PCDH15: variants seen among roughly 807,000 people sequenced by gnomAD.
PCDH15 encodes the protein protocadherin related 15, also known as protocadherin-15.
PCDH15 carries 129 observed loss-of-function variants against 178.5 expected under a neutral mutation model. The observed-to-expected ratio is 0.72, with a 90% CI of 0.63 to 0.84. The LOEUF (loss-of-function observed/expected upper bound fraction) is 0.84, where lower values mean the gene tolerates loss of function less well. PCDH15 is among the 40% of genes least tolerant of loss of function. The probability of loss-of-function intolerance (pLI) is 0.00; values close to 1 mark genes in which losing one functional copy is unlikely to be tolerated. For synonymous variants in PCDH15, 800 were observed against 732.0 expected (o/e 1.09, Z -1.50); for missense variants, 2,230 against 2,099.9 (o/e 1.06, Z -1.21).
intron 2 of PCDH15, among the ~76,000 whole-genome samples, chr10:55,049,824 T>A (rs956674897): frequency 6.6e-6 from 1 of 152,086 alleles, no homozygotes; most frequent in East Asian, 1.9e-4. Context: ...ATGAGTTGTA[T>A]AACTATTTTG....
chr10:55,075,418 T>C (rs1591882243), intron 2 of PCDH15, among the ~76,000 whole-genome samples: 1 of 148,090 alleles, frequency 6.8e-6, no homozygotes, highest in Non-Finnish European at 1.5e-5. Flanking sequence ...CAGGCTGGAG[T>C]GCAGTGGTGC....
intron 2 of PCDH15, among the ~76,000 whole-genome samples, chr10:54,661,406 C>G (rs2094488875): frequency 1.3e-5 from 2 of 151,826 alleles, no homozygotes; most frequent in African/African-American, 2.4e-5. Flanking sequence ...TACTACATGA[C>G]AGAAGCAAGT....
At chr10:54,110,262 A>G (rs2094993304) in intron 15 of PCDH15, among the ~76,000 whole-genome samples, 1 of 151,610 alleles carries the variant, frequency 6.6e-6, no homozygotes, top group African/African-American at 2.4e-5. Context: ...CATAAATACA[A>G]TGAAGGTAAG....
At chr10:54,811,463 A>C (rs1053275389) in intron 3 of PCDH15, among the ~76,000 whole-genome samples, 3 of 151,816 alleles carry the variant, frequency 2.0e-5, no homozygotes, top group African/African-American at 4.8e-5. Context: ...TAGCTAAATA[A>C]TTTTTTTTAT....
chr10:55,447,278 G>T (rs1481656031), intron 2 of PCDH15, among the ~76,000 whole-genome samples: 2 of 152,004 alleles, frequency 1.3e-5, no homozygotes, highest in Non-Finnish European at 2.9e-5. Context: ...TGAGACAACT[G>T]TAGAGAAATG....
chr10:54,761,742 G>A (rs1237369051), intron 1 of PCDH15, among the ~76,000 whole-genome samples: 1 of 149,496 alleles, frequency 6.7e-6, no homozygotes, highest in East Asian at 2.0e-4. Context: ...ACAGTTAAGG[G>A]GTAATTCTCC....
chr10:55,400,769 C>T (rs1327618713), intron 2 of PCDH15, among the ~76,000 whole-genome samples: 2 of 152,036 alleles, frequency 1.3e-5, no homozygotes, highest in Non-Finnish European at 2.9e-5. Flanking sequence ...TTCATTTAGT[C>T]TTTCATACTT....
rs114180919 is a variant in PCDH15, at chr10:54,420,301, T to G, written c.158-41359A>C. Among the ~76,000 whole-genome samples, 1,256 of 152,170 alleles carry G rather than the reference T, an allele frequency of 8.3e-3. 14 individuals carry two copies. Among genetic ancestry groups the G allele is most frequent in the African/African-American group, 0.028 (1,144 of 41,526 alleles). On this transcript the variant is annotated intron_variant, in intron 3 of 37. Coordinates refer to ENST00000644397, the MANE Select transcript of PCDH15 (RefSeq NM_001384140.1). The stretch of plus-strand genomic sequence containing the variant: ...CTTGTGGAGCTTGTATTTTACTTCA[T>G]GAGAAATGCCAAAGATATGTCATTT...
chr10:55,338,712 T>C (rs532858189), intron 2 of PCDH15, among the ~76,000 whole-genome samples: 2 of 152,206 alleles, frequency 1.3e-5, no homozygotes, highest in African/African-American at 2.4e-5. Flanking sequence ...ATGGCAAATG[T>C]TGCAGTGAGC....
intron 26 of PCDH15, among the ~76,000 whole-genome samples, chr10:53,890,758 T>A (rs1315803649): frequency 2.6e-5 from 4 of 152,166 alleles, no homozygotes; most frequent in African/African-American, 9.7e-5. Flanking sequence ...TTTCATTGCC[T>A]GTTTTTGAAA....
At chr10:55,114,522 C>A (rs1373475963) in intron 2 of PCDH15, among the ~76,000 whole-genome samples, 1 of 152,218 alleles carries the variant, frequency 6.6e-6, no homozygotes, top group East Asian at 1.9e-4. Flanking sequence ...AGCTATCTAA[C>A]TACGGTCTGG....
chr10:55,004,469 G>A (rs1839874657), intron 2 of PCDH15, among the ~76,000 whole-genome samples: 1 of 152,062 alleles, frequency 6.6e-6, no homozygotes. Context: ...TCAACCACCA[G>A]GCCTCCAGAT....
chr10:55,333,764 AGTGCCG>A (rs1255227646), intron 2 of PCDH15, among the ~76,000 whole-genome samples: 1 of 151,984 alleles, frequency 6.6e-6, no homozygotes, highest in Non-Finnish European at 1.5e-5. Context: ...ATTCCATGTC[AGTGCCG>A]GTTACATAAT....
At chr10:54,434,815 C>A (rs1233132427) in intron 3 of PCDH15, among the ~76,000 whole-genome samples, 1 of 152,156 alleles carries the variant, frequency 6.6e-6, no homozygotes, top group Non-Finnish European at 1.5e-5. Flanking sequence ...ATGACATTTT[C>A]TTACATCTTT....
intron 3 of PCDH15, among the ~76,000 whole-genome samples, chr10:54,504,804 G>C (rs1016460130): frequency 6.6e-6 from 1 of 151,942 alleles, no homozygotes; most frequent in African/African-American, 2.4e-5. Context: ...TGTTTGAAAA[G>C]GTAGAGTTGC....
intron 15 of PCDH15, among the ~76,000 whole-genome samples, chr10:54,117,634 A>G (rs1243768588): frequency 6.6e-6 from 1 of 152,086 alleles, no homozygotes; most frequent in Non-Finnish European, 1.5e-5. Flanking sequence ...GAGGAGTTTC[A>G]CTGAGTGGCA....
chr10:54,781,690 G>A (rs114641587), intron 1 of PCDH15, among the ~76,000 whole-genome samples: 265 of 152,252 alleles, frequency 1.7e-3, no homozygotes, highest in African/African-American at 5.8e-3. Context: ...TGAACTGTAA[G>A]ATATTAGTTC....
chr10:55,437,832 C>CTTTTTTTT (rs778307616), intron 2 of PCDH15, among the ~76,000 whole-genome samples: 15 of 85,172 alleles, frequency 1.8e-4, no homozygotes, highest in African/African-American at 2.5e-4. Flanking sequence ...TATTGCTTTT[C>CTTTTTTTT]TTTTTTTTTT....
intron 2 of PCDH15, among the ~76,000 whole-genome samples, chr10:55,071,773 C>A (rs546879063): frequency 6.6e-6 from 1 of 152,064 alleles, no homozygotes; most frequent in East Asian, 1.9e-4. Flanking sequence ...GAACTCTCCA[C>A]CCCAAATCAA....
Sources: allele counts gnomAD v4.1 joint callset (sites outside exome capture counted in the v4.1 genomes callset), GRCh38; gene constraint gnomAD v4.1.1; transcripts MANE v1.5; gene names NCBI Gene and HGNC (gene_info 2026-07-23, HGNC 2026-07-21).